Variants in ARHGAP6 observed in about 807,000 individuals in gnomAD.
ARHGAP6 encodes rho GTPase-activating protein 6.
Under a neutral mutation model 55.7 loss-of-function variants are expected in ARHGAP6, and 16 were observed. That is an observed-to-expected ratio of 0.29 (90% CI 0.19 to 0.44). ARHGAP6 has a LOEUF of 0.44. ARHGAP6 is among the 20% of genes least tolerant of loss of function. The pLI, the probability that ARHGAP6 is intolerant of heterozygous loss-of-function variation, is 1.00. For missense variants in ARHGAP6, 698 were observed against 808.9 expected (o/e 0.86, Z 1.66); for synonymous variants, 382 against 360.9 (o/e 1.06, Z -0.66).
chrX:11,421,939 G>A (rs150285854), intron 1 of ARHGAP6, among the ~76,000 whole-genome samples: 270 of 111,719 alleles, frequency 2.4e-3, no homozygotes, highest in Non-Finnish European at 3.3e-3. Context: ...AAGTCCTAGC[G>A]TAACCTAGGG....
intron 1 of ARHGAP6, among the ~76,000 whole-genome samples, chrX:11,515,102 G>T (rs1024258892): frequency 8.9e-6 from 1 of 111,864 alleles, no homozygotes; most frequent in African/African-American, 3.3e-5. Context: ...AGTATGTTGT[G>T]ATCAATTAGT....
intron 2 of ARHGAP6, among the ~76,000 whole-genome samples, chrX:11,220,338 A>G (rs1488026929): frequency 2.7e-5 from 3 of 111,249 alleles, no homozygotes; most frequent in Non-Finnish European, 5.6e-5. Flanking sequence ...TGTCAGATTC[A>G]CCAAAGTTGA....
chrX:11,456,108 C>T (rs1328697212), intron 1 of ARHGAP6, among the ~76,000 whole-genome samples: 1 of 111,589 alleles, frequency 9.0e-6, no homozygotes. Context: ...AAAACTGTGC[C>T]ATTTATAATT....
intron 1 of ARHGAP6, among the ~76,000 whole-genome samples, chrX:11,407,738 C>T (rs775622410): frequency 8.9e-6 from 1 of 111,816 alleles, no homozygotes; most frequent in African/African-American, 3.3e-5. Context: ...ATATCCCTGA[C>T]TGCTAAAGAT....
At chrX:11,510,577 A>T (rs1603236790) in intron 1 of ARHGAP6, among the ~76,000 whole-genome samples, 2 of 111,383 alleles carry the variant, frequency 1.8e-5, no homozygotes, top group South Asian at 3.8e-4. Context: ...GATAAAAGTT[A>T]TTCCCATTTT....
intron 1 of ARHGAP6, chrX:11,367,840 A>T (rs746559431): frequency 5.4e-5 from 40 of 745,810 alleles, no homozygotes; most frequent in Non-Finnish European, 6.2e-5. Context: ...GATGAAGGAA[A>T]CAAAACCAGA....
chrX:11,464,088 G>A (rs752609609), intron 1 of ARHGAP6, among the ~76,000 whole-genome samples: 2 of 104,775 alleles, frequency 1.9e-5, no homozygotes, highest in East Asian at 3.0e-4. Context: ...GGATAGATGC[G>A]GCTAAACCTC....
In ARHGAP6 at chrX:11,174,631, CTT is replaced by C. The variant is rs1317486399; in HGVS notation, c.1629+3467_1629+3468del. ...TTCTTTCTTTCTCTTTCTTTTCTTT[CTT>C]TCTTTCTTTCTTTCTTTCTTTCTTT... On this transcript the variant is annotated intron_variant, in intron 8 of 12. Transcript: ENST00000337414. Among the ~76,000 whole-genome samples the C allele has an allele frequency of 7.3e-3, 197 of 27,042 alleles. 1 individual carries two copies. The highest frequency in any genetic ancestry group is 0.014 in the Admixed American group (27 of 1,950). The allele number at this position is 27,042 out of a possible 115,157, so 23.5% of individuals were successfully genotyped here.
At chrX:11,530,181 T>C (rs1444938974) in intron 1 of ARHGAP6, among the ~76,000 whole-genome samples, 14 of 111,382 alleles carry the variant, frequency 1.3e-4, no homozygotes, top group Non-Finnish European at 1.5e-4. Flanking sequence ...CATTCATTCG[T>C]CATTCACACT....
At chrX:11,574,361 A>G (rs1389485402) in intron 1 of ARHGAP6, among the ~76,000 whole-genome samples, 1 of 109,767 alleles carries the variant, frequency 9.1e-6, no homozygotes, top group African/African-American at 3.3e-5. Context: ...GCAGCACATC[A>G]AAAAGCTTAT....
Position 11,494,652 on chromosome X carries a change from C to T in ARHGAP6, c.588+169589G>A, listed in dbSNP as rs1464030606. 1.2e-4 allele frequency among the ~76,000 whole-genome samples: 14 copies of T among 112,021 alleles called. No homozygotes were observed. The Admixed American group carries it at 1.3e-3, about 11-fold the overall frequency. On this transcript the variant is annotated intron_variant, in intron 1 of 12. Coordinates refer to ENST00000337414, the MANE Select transcript of ARHGAP6 (RefSeq NM_013427.3). Reference sequence around the variant, plus strand: ...CTAGGTTGACTGGAAGTAAGTTCACCTCTGAGAGGTGGTCACCAGGCTTTG... The same window carrying T: ...CTAGGTTGACTGGAAGTAAGTTCACTTCTGAGAGGTGGTCACCAGGCTTTG...
chrX:11,512,120 G>A (rs759449068), intron 1 of ARHGAP6, among the ~76,000 whole-genome samples: 1 of 111,374 alleles, frequency 9.0e-6, no homozygotes, highest in African/African-American at 3.3e-5. Context: ...GCCACCACGC[G>A]TTTTCTTTAT....
At chrX:11,564,989 G>T (rs1425666871) in intron 1 of ARHGAP6, among the ~76,000 whole-genome samples, 1 of 111,793 alleles carries the variant, frequency 8.9e-6, no homozygotes, top group African/African-American at 3.3e-5. Flanking sequence ...TCTGACCTTG[G>T]CATACAGGAG....
At chrX:11,402,864 C>T (rs1369617437) in intron 1 of ARHGAP6, among the ~76,000 whole-genome samples, 1 of 111,413 alleles carries the variant, frequency 9.0e-6, no homozygotes, top group Non-Finnish European at 1.9e-5. Context: ...GTGGGCAAAT[C>T]CTATTTATGT....
At chrX:11,467,209 C>T (rs1246417401) in intron 1 of ARHGAP6, among the ~76,000 whole-genome samples, 2 of 110,845 alleles carry the variant, frequency 1.8e-5, no homozygotes, top group Non-Finnish European at 3.8e-5. Context: ...GAGGCCTAGG[C>T]GGGAGGATTG....
At chrX:11,414,949 T>G (rs1266375181) in intron 1 of ARHGAP6, among the ~76,000 whole-genome samples, 2 of 111,415 alleles carry the variant, frequency 1.8e-5, no homozygotes, top group Non-Finnish European at 1.9e-5. Flanking sequence ...TTCATATTCC[T>G]TGTTCAACAT....
At position 11,383,888 on chromosome X, in the gene ARHGAP6, C is replaced by T. The variant is rs185030386; in HGVS notation, c.589-129181G>A. Among the ~76,000 whole-genome samples, 143 of 109,976 alleles carry T rather than the reference C, an allele frequency of 1.3e-3. 1 individual carries two copies. The highest frequency in any genetic ancestry group is 4.5e-3 in the African/African-American group (137 of 30,223). Reference sequence around the variant, plus strand: ...CCTGGAAAAGACAACAGGGTGCTTCCCCTTGCCTCTCAGAATAAACTAGAA... The same window carrying T: ...CCTGGAAAAGACAACAGGGTGCTTCTCCTTGCCTCTCAGAATAAACTAGAA... On this transcript the variant is annotated intron_variant, in intron 1 of 12. Transcript: ENST00000337414.
intron 1 of ARHGAP6, among the ~76,000 whole-genome samples, chrX:11,274,205 G>A (rs777628517): frequency 8.9e-6 from 1 of 111,917 alleles, no homozygotes; most frequent in Admixed American, 9.5e-5. Flanking sequence ...ATATTCTAAA[G>A]TTTGTAACTT....
intron 1 of ARHGAP6, among the ~76,000 whole-genome samples, chrX:11,436,898 G>A (rs1253516445): frequency 1.9e-5 from 2 of 103,611 alleles, no homozygotes; most frequent in Admixed American, 1.1e-4. Flanking sequence ...TTGAGGGGGG[G>A]ATAGCTAAAG....
Sources: gnomAD v4.1 joint callset for allele counts (sites outside exome capture counted in the v4.1 genomes callset) on GRCh38, gnomAD v4.1.1 for gene constraint, MANE v1.5 for transcripts, NCBI Gene and HGNC (gene_info 2026-07-23, HGNC 2026-07-21) for gene names.